GOLGA2: variants seen among roughly 807,000 people sequenced by gnomAD.
The protein encoded by GOLGA2 is golgin A2.
GOLGA2 carries 49 observed loss-of-function variants against 148.8 expected under a neutral mutation model. The ratio of observed to expected loss-of-function variants is 0.33; its 90% CI spans 0.26 to 0.42. GOLGA2 has a LOEUF of 0.42. GOLGA2 is among the 10% of genes least tolerant of loss of function. The pLI is 1.00. For missense variants in GOLGA2, 1,178 were observed against 1,304.6 expected (o/e 0.90, Z 1.49); for synonymous variants, 501 against 511.8 (o/e 0.98, Z 0.28).
Position 128,261,671 on chromosome 9 carries a change from C to T in GOLGA2, c.1221G>A (p.Gly407=), listed in dbSNP as rs1227398862. The T allele has an allele frequency of 6.2e-7, 1 of 1,605,552 alleles. No homozygotes were observed. ...EERAQLEAHL[G]QVMESVRQLQ... ...TCCCTCCCCTGCAAAGCCTCACCTGCCCCAGGTGTGCTTCCAGCTGTGCCC... is the reference window on the plus strand; with the variant it reads ...TCCCTCCCCTGCAAAGCCTCACCTGTCCCAGGTGTGCTTCCAGCTGTGCCC... Residue 407 remains glycine, a synonymous_variant, in exon 15 of 27, where the codon GGG becomes GGA. Coordinates refer to ENST00000611957, the MANE Select transcript of GOLGA2 (RefSeq NM_001366244.2). The surrounding 1 kb of genome is among the most constrained non-coding windows in gnomAD (Gnocchi z 5.7).
intron 12 of GOLGA2, among the ~76,000 whole-genome samples, chr9:128,265,236 C>G (rs1055147317): frequency 6.6e-6 from 1 of 151,912 alleles, no homozygotes; most frequent in African/African-American, 2.4e-5. Context: ...CACGTTCCCT[C>G]TCTCTACACA....
rs1389601054 is a variant in GOLGA2 at position 128,261,430 on chromosome 9, G to A, written c.1332+24C>T. The A allele has an allele frequency of 2.9e-6, 4 of 1,365,576 alleles. No homozygotes were observed. Among genetic ancestry groups the A allele is most frequent in the African/African-American group, 2.9e-5 (2 of 69,946 alleles). 84.6% of individuals were successfully genotyped at this position (1,365,576 alleles called of 1,614,324 possible). ...TCAAGTGACCTATCTAAGGTTGAGG[G>A]GGAGCTGAAGGGTCAGGTCTCACCT... On this transcript the variant is annotated intron_variant, in intron 16 of 26. Coordinates refer to ENST00000611957, the MANE Select transcript of GOLGA2 (RefSeq NM_001366244.2). The surrounding 1 kb of genome is among the most constrained non-coding windows in gnomAD (Gnocchi z 5.7).
intron 3 of GOLGA2, among the ~76,000 whole-genome samples, chr9:128,269,487 A>T (rs1830799906): frequency 6.6e-6 from 1 of 152,012 alleles, no homozygotes; most frequent in Non-Finnish European, 1.5e-5. Context: ...CTTTCCTGGG[A>T]ATAGTACCTG....
In GOLGA2 at chr9:128,260,027, C is replaced by T; in HGVS notation, c.1872+49G>A. The T allele has an allele frequency of 2.2e-6, 3 of 1,339,434 alleles. No homozygotes were observed. The highest frequency in any genetic ancestry group is 3.2e-6 in the Non-Finnish European group (3 of 939,574). 83.0% of individuals were successfully genotyped at this position (1,339,434 alleles called of 1,614,324 possible). On this transcript the variant is annotated intron_variant, in intron 19 of 26. Transcript: ENST00000611957. The surrounding 1 kb of genome is among the most constrained non-coding windows in gnomAD (Gnocchi z 4.8). ...CCTCTGGCCTCACACCACCCCTCCC[C>T]AGAGGCTGGTGCCCGCCTCCCAGCC... is the stretch of plus-strand genomic sequence containing the variant.
chr9:128,266,951 G>A lies in GOLGA2; in HGVS notation c.642+243C>T. The A allele has an allele frequency of 1.7e-6, 1 of 589,538 alleles. No individual in the cohort carries two copies. Among genetic ancestry groups the A allele is most frequent in the Non-Finnish European group, 3.0e-6 (1 of 328,248 alleles). 36.5% of individuals were successfully genotyped at this position (589,538 alleles called of 1,614,324 possible). ...TTCCCCAAGAGGCAACAACCCCAGG[G>A]CGTGTGTGGCAAGGACTCGAGCAGG... On this transcript the variant is annotated intron_variant, in intron 8 of 26. Transcript: ENST00000611957. The surrounding 1 kb of genome is among the most constrained non-coding windows in gnomAD (Gnocchi z 4.2).
At position 128,261,063 on chromosome 9, in the gene GOLGA2, C is replaced by T. The variant is rs992327631; in HGVS notation, c.1420+109G>A. 4.9e-6 allele frequency: 4 copies of T among 821,106 alleles called. No homozygotes were observed. Among genetic ancestry groups the T allele is most frequent in the Non-Finnish European group, 8.5e-6 (4 of 469,416 alleles). 50.9% of individuals were successfully genotyped at this position (821,106 alleles called of 1,614,324 possible). A position where few individuals can be genotyped will look rare whatever the true frequency, so the allele number is the denominator to read the frequency against. ...CCATCTCCTGGCACAGACCTCTTTC[C>T]CTCTGCCTCAAAGCCATTCCATCCA... On this transcript the variant is annotated intron_variant, in intron 17 of 26. Coordinates refer to ENST00000611957, the MANE Select transcript of GOLGA2 (RefSeq NM_001366244.2). This position sits in a 1 kb window ranked among gnomAD's most constrained non-coding sequence, Gnocchi z 5.7.
chr9:128,264,619 G>A (rs566066097), intron 12 of GOLGA2, among the ~76,000 whole-genome samples: 3 of 151,356 alleles, frequency 2.0e-5, no homozygotes, highest in Admixed American at 2.0e-4. Flanking sequence ...GTAGACACAG[G>A]GTTTTGCTAT....
intron 12 of GOLGA2, among the ~76,000 whole-genome samples, chr9:128,264,267 A>C (rs12352672): frequency 0.067 from 9,981 of 149,614 alleles, 476 homozygotes; most frequent in East Asian, 0.23. Flanking sequence ...TGGAGTCTCC[A>C]TCTGTCACCC....
At chr9:128,269,673 C>G (rs975185561) in intron 3 of GOLGA2, among the ~76,000 whole-genome samples, 3 of 152,194 alleles carry the variant, frequency 2.0e-5, no homozygotes, top group Admixed American at 6.5e-5. Flanking sequence ...GATGGGCAGA[C>G]AGTGGAAAAA....
rs1830061354 is a variant in GOLGA2, at chr9:128,258,637, C to T, written c.2174-67G>A. ...GGTACAGTGGGCCCACCTCTGCCCCCACCCTCACTGTGTAACCCTGGGCCA... is the reference window on the plus strand; with the variant it reads ...GGTACAGTGGGCCCACCTCTGCCCCTACCCTCACTGTGTAACCCTGGGCCA... On this transcript the variant is annotated intron_variant, in intron 21 of 26. Transcript: ENST00000611957. The surrounding 1 kb of genome is among the most constrained non-coding windows in gnomAD (Gnocchi z 6.6). 3 of 1,177,778 alleles carry T rather than the reference C, an allele frequency of 2.5e-6. No homozygotes were observed. Among genetic ancestry groups the T allele is most frequent in the African/African-American group, 1.6e-5 (1 of 64,188 alleles). 73.0% of individuals were successfully genotyped at this position (1,177,778 alleles called of 1,614,324 possible).
In GOLGA2 at chr9:128,257,697, A is replaced by C. The variant is rs750914464; in HGVS notation, c.2622T>G (p.Ile874Met). 6.2e-7 allele frequency: 1 copy of C among 1,613,770 alleles called. No homozygotes were observed. The change falls in exon 25 of 27, where the codon ATT (isoleucine) becomes ATG (methionine). Residue 874 changes from isoleucine (I) to methionine (M), a missense_variant. Physicochemically the swap from Ile to Met is conservative, Grantham distance 10 (BLOSUM62 1). Coordinates refer to ENST00000611957, the MANE Select transcript of GOLGA2 (RefSeq NM_001366244.2). The surrounding 1 kb of genome is among the most constrained non-coding windows in gnomAD (Gnocchi z 8.0). Reference protein sequence around the residue: ...SGETDTIGEYIALYQSQRAVL... With the variant: ...SGETDTIGEYMALYQSQRAVL... Reference sequence around the variant, plus strand: ...CTGCCCTCTGGCTCTGGTACAGTGCAATGTACTCTCCTGCGGGAGGACAGG... The same window carrying C: ...CTGCCCTCTGGCTCTGGTACAGTGCCATGTACTCTCCTGCGGGAGGACAGG...
In GOLGA2 at chr9:128,261,327, C is replaced by T; in HGVS notation, c.1333-68G>A. ...TGGCTGGACAGGCTACCATCTCCCT[C>T]TGCCCCCACCGCCACAAAGCCCAGA... On this transcript the variant is annotated intron_variant, in intron 16 of 26. Transcript: ENST00000611957. This position sits in a 1 kb window ranked among gnomAD's most constrained non-coding sequence, Gnocchi z 5.7. 1 of 1,345,116 alleles carries T rather than the reference C, an allele frequency of 7.4e-7. No homozygotes were observed. The highest frequency in any genetic ancestry group is 1.1e-6 in the Non-Finnish European group (1 of 936,032). The allele number at this position is 1,345,116 out of a possible 1,614,324, so 83.3% of individuals were successfully genotyped here. A position where few individuals can be genotyped will look rare whatever the true frequency, so the allele number is the denominator to read the frequency against.
At chr9:128,275,342 T>TTG in intron 1 of GOLGA2, 1 of 1,160,762 alleles carries the variant, frequency 8.6e-7, no homozygotes, top group East Asian at 3.2e-5. Context: ...CCGAGGGGGA[T>TTG]TGTGACGTCA....
chr9:128,271,603 C>T lies in GOLGA2; in HGVS notation c.288+1182G>A, dbSNP rs1830951266. Among the ~76,000 whole-genome samples, 1 of 152,182 alleles carries T rather than the reference C, an allele frequency of 6.6e-6. No homozygotes were observed. The highest frequency in any genetic ancestry group is 1.5e-5 in the Non-Finnish European group (1 of 68,032). ...TCTGGCCACGGCCTCACCGCTCCCCCTGCCTCCCCCACTCCCCATATGGAT... is the reference window on the plus strand; with the variant it reads ...TCTGGCCACGGCCTCACCGCTCCCCTTGCCTCCCCCACTCCCCATATGGAT... On this transcript the variant is annotated intron_variant, in intron 3 of 26. Transcript: ENST00000611957. This position sits in a 1 kb window ranked among gnomAD's most constrained non-coding sequence, Gnocchi z 4.4.
chr9:128,266,083 T>C lies in GOLGA2; in HGVS notation c.682-63A>G, dbSNP rs1012808815. 2.0e-5 allele frequency: 30 copies of C among 1,469,122 alleles called. No homozygotes were observed. In the African/African-American group the frequency reaches 4.0e-4, roughly 20 times the overall value. The allele number at this position is 1,469,122 out of a possible 1,614,324, so 91.0% of individuals were successfully genotyped here. On this transcript the variant is annotated intron_variant, in intron 9 of 26. Coordinates refer to ENST00000611957, the MANE Select transcript of GOLGA2 (RefSeq NM_001366244.2). The surrounding 1 kb of genome is among the most constrained non-coding windows in gnomAD (Gnocchi z 4.2). ...GGCAGAGACGGCACAGCAAGGGACA[T>C]GCCCCCAGAATGCCACCAATGTCCC... is the stretch of plus-strand genomic sequence containing the variant.
intron 3 of GOLGA2, among the ~76,000 whole-genome samples, 179 bp downstream of exon 3, chr9:128,272,606 G>A (rs1169697799): frequency 6.6e-6 from 1 of 152,100 alleles, no homozygotes; most frequent in Non-Finnish European, 1.5e-5. Flanking sequence ...TAAAAGATTT[G>A]GGGGAAGAAT....
At chr9:128,268,384 A>C (rs769260574) in intron 4 of GOLGA2, 36 bp downstream of exon 4, 4 of 1,170,578 alleles carry the variant, frequency 3.4e-6, no homozygotes. Flanking sequence ...TAATAGGTAC[A>C]GGAGGGCAGT....
Position 128,265,972 on chromosome 9 carries a change from G to T in GOLGA2, c.730C>A (p.Gln244Lys), listed in dbSNP as rs890433366. ...GGAACTTCACACCCTCCACTCACCTGTAACTGCTCCCTTAGGGCTCCCTGC... is the reference window on the plus strand; with the variant it reads ...GGAACTTCACACCCTCCACTCACCTTTAACTGCTCCCTTAGGGCTCCCTGC... ...QKQGALREQLQVHIQTIGILV... is the reference protein window; with the variant it reads ...QKQGALREQLKVHIQTIGILV... The change falls in exon 10 of 27, where the codon CAG becomes AAG. Residue 244 changes from glutamine to lysine, a missense_variant and splice_region_variant. Physicochemically the swap from Gln to Lys is moderately conservative, Grantham distance 53 (BLOSUM62 1). Coordinates refer to ENST00000611957, the MANE Select transcript of GOLGA2 (RefSeq NM_001366244.2). 6.8e-6 allele frequency: 11 copies of T among 1,612,708 alleles called. No homozygotes were observed. Among genetic ancestry groups the T allele is most frequent in the Non-Finnish European group, 9.3e-6 (11 of 1,178,644 alleles).
At position 128,268,007 on chromosome 9, in the gene GOLGA2, G is replaced by T; in HGVS notation, c.438-10C>A. 3 of 1,613,358 alleles carry T rather than the reference G, an allele frequency of 1.9e-6. No individual in the cohort carries two copies. Among genetic ancestry groups the T allele is most frequent in the Non-Finnish European group, 2.5e-6 (3 of 1,179,262 alleles). On this transcript the variant is annotated splice_polypyrimidine_tract_variant and intron_variant, in intron 5 of 26. Transcript: ENST00000611957. ...GGTTGATGAGAAAGTCCTAGGGATG[G>T]AGACACAGGGGTCAGGGGTGCAGGT...
Sources: gnomAD v4.1 joint callset for allele counts (sites outside exome capture counted in the v4.1 genomes callset) on GRCh38, gnomAD v4.1.1 for gene constraint, Gnocchi (gnomAD v3.1) non-coding constraint, MANE v1.5 for transcripts, NCBI Gene and HGNC (gene_info 2026-07-23, HGNC 2026-07-21) for gene names.